Variants in OLFM1 observed in about 807,000 individuals in gnomAD.
The protein encoded by OLFM1 is olfactomedin 1.
In OLFM1, 9 loss-of-function variants were observed where a neutral mutation model predicts 49.7. The ratio of observed to expected loss-of-function variants is 0.18; its 90% CI spans 0.11 to 0.32. The LOEUF (loss-of-function observed/expected upper bound fraction) is 0.32, where lower values mean the gene tolerates loss of function less well. Among genes scored for constraint, OLFM1 ranks in the 10% least tolerant of loss-of-function variants. The pLI is 1.00. For missense variants in OLFM1, 369 were observed against 661.8 expected (o/e 0.56, Z 4.85); for synonymous variants, 240 against 271.8 (o/e 0.88, Z 1.15).
At position 135,096,994 on chromosome 9, in the gene OLFM1, A is replaced by G. The variant is rs116896305; in HGVS notation, c.456+975A>G. Reference sequence around the variant, plus strand: ...CAGTGCGATTCGACTGAAACGTTATATGCCGCCTTAATGAAGGTATACATG... The same window carrying G: ...CAGTGCGATTCGACTGAAACGTTATGTGCCGCCTTAATGAAGGTATACATG... On this transcript the variant is annotated intron_variant, in intron 3 of 5. Transcript: ENST00000371793. 6.5e-4 allele frequency among the ~76,000 whole-genome samples: 99 copies of G among 152,296 alleles called. 1 individual carries two copies. Among genetic ancestry groups the G allele is most frequent in the Non-Finnish European group, 1.2e-3 (79 of 68,022 alleles).
At chr9:135,086,543 C>G, upstream of OLFM1, 1 of 444,122 alleles carries the variant, frequency 2.3e-6, no homozygotes, top group Non-Finnish European at 4.5e-6. Flanking sequence ...TTCGCCCAGG[C>G]AGAGAAGAGT....
intron 1 of OLFM1, among the ~76,000 whole-genome samples, chr9:135,079,569 C>CA (rs1318606246): frequency 6.6e-6 from 1 of 152,088 alleles, no homozygotes; most frequent in Non-Finnish European, 1.5e-5. Flanking sequence ...TGCACCACTG[C>CA]ACTCCAGCCT....
chr9:135,107,761 CT>C (rs1830966122), intron 5 of OLFM1, among the ~76,000 whole-genome samples: 1 of 152,228 alleles, frequency 6.6e-6, no homozygotes. Flanking sequence ...CAACCCAGCT[CT>C]GCCCTGGGCC....
chr9:135,076,190 G>A, intron 1 of OLFM1: 3 of 1,550,460 alleles, frequency 1.9e-6, no homozygotes, highest in Non-Finnish European at 2.6e-6. Flanking sequence ...AGAGGTGGCG[G>A]GACCTTAGTC....
At chr9:135,090,741 C>T (rs905892843) in intron 2 of OLFM1, among the ~76,000 whole-genome samples, 17 of 152,134 alleles carry the variant, frequency 1.1e-4, no homozygotes, top group African/African-American at 4.1e-4. Context: ...AGGGCTGGGG[C>T]TGTCACCCAG....
intron 5 of OLFM1, among the ~76,000 whole-genome samples, chr9:135,111,049 A>G (rs1831015486): frequency 6.6e-6 from 1 of 152,204 alleles, no homozygotes; most frequent in Non-Finnish European, 1.5e-5. Flanking sequence ...GAAGCTGATG[A>G]AAGTAATCGG....
In OLFM1 at chr9:135,115,465, G is replaced by C. The variant is rs577726538; in HGVS notation, c.784-4039G>C. 4.6e-5 allele frequency among the ~76,000 whole-genome samples: 7 copies of C among 152,340 alleles called. No homozygotes were observed. The South Asian group carries it at 8.3e-4, about 18-fold the overall frequency. The stretch of plus-strand genomic sequence containing the variant: ...AAGGATAAGTGGACGGAGGGAAATG[G>C]GCCGTTTACCTGGCAGGTTCATGGC... On this transcript the variant is annotated intron_variant, in intron 5 of 5. Transcript: ENST00000371793.
intron 1 of OLFM1, chr9:135,077,068 G>GGA (rs199830264): frequency 7.1e-7 from 1 of 1,404,828 alleles, no homozygotes; most frequent in South Asian, 1.3e-5. Flanking sequence ...ATGGCCTCTA[G>GGA]GAGAGGTTTT....
At position 135,088,276 on chromosome 9, in the gene OLFM1, C is replaced by A; in HGVS notation, c.150+137C>A. 1.3e-6 allele frequency: 1 copy of A among 799,886 alleles called. No individual in the cohort carries two copies. Among genetic ancestry groups the A allele is most frequent in the Non-Finnish European group, 1.6e-6 (1 of 607,308 alleles). The allele number at this position is 799,886 out of a possible 1,614,324, so 49.5% of individuals were successfully genotyped here. A position where few individuals can be genotyped will look rare whatever the true frequency, so the allele number is the denominator to read the frequency against. On this transcript the variant is annotated intron_variant, in intron 1 of 5. Coordinates refer to ENST00000371793, the MANE Select transcript of OLFM1 (RefSeq NM_001282611.2). This position sits in a 1 kb window ranked among gnomAD's most constrained non-coding sequence, Gnocchi z 4.8. ...GGGAGGCGGCGGGGAGCAGGGCGGG[C>A]AAGGGCAGGCGTCGCGGGCCGGCGC...
At chr9:135,115,394 G>A (rs1831083776) in intron 5 of OLFM1, among the ~76,000 whole-genome samples, 1 of 152,274 alleles carries the variant, frequency 6.6e-6, no homozygotes, top group Non-Finnish European at 1.5e-5. Flanking sequence ...CCTGATGGGT[G>A]ACGCAGGGAC....
chr9:135,108,448 A>C (rs1412827566), intron 5 of OLFM1, among the ~76,000 whole-genome samples: 1 of 152,100 alleles, frequency 6.6e-6, no homozygotes, highest in Non-Finnish European at 1.5e-5. Context: ...ATCCTGGCCA[A>C]CAAGGTGAAA....
rs1412372160 is a variant in OLFM1 at position 135,113,867 on chromosome 9, TGTCACCCA to T, written c.784-5634_784-5627del. On this transcript the variant is annotated intron_variant, in intron 5 of 5. Transcript: ENST00000371793. The surrounding 1 kb of genome is among the most constrained non-coding windows in gnomAD (Gnocchi z 4.0). ...CCTGGGGGGCACCACAGGGGCTCAC[TGTCACCCA>T]GTGCTGGAGGCTGGAAGCCCCAGAC... 6.6e-6 allele frequency among the ~76,000 whole-genome samples: 1 copy of T among 152,212 alleles called. No individual in the cohort carries two copies. The highest frequency in any genetic ancestry group is 2.4e-5 in the African/African-American group (1 of 41,464).
intron 1 of OLFM1, chr9:135,076,011 T>C: frequency 6.9e-7 from 1 of 1,443,768 alleles, no homozygotes; most frequent in Non-Finnish European, 9.1e-7. Context: ...ACGGCGCTCC[T>C]CCAGCCCCGG....
chr9:135,114,495 T>C (rs1225355828), intron 5 of OLFM1, among the ~76,000 whole-genome samples: 1 of 151,952 alleles, frequency 6.6e-6, no homozygotes, highest in Non-Finnish European at 1.5e-5. Flanking sequence ...ACCTATCTTC[T>C]GGGGGCCACT....
At chr9:135,116,911 G>A (rs893467241) in intron 5 of OLFM1, among the ~76,000 whole-genome samples, 1 of 151,284 alleles carries the variant, frequency 6.6e-6, no homozygotes, top group African/African-American at 2.4e-5. Flanking sequence ...AAAACAAAAA[G>A]CACATCTGCT....
intron 5 of OLFM1, among the ~76,000 whole-genome samples, chr9:135,108,501 C>T (rs758493673): frequency 3.3e-5 from 5 of 151,938 alleles, no homozygotes; most frequent in African/African-American, 4.8e-5. Flanking sequence ...GGCGTGGTGG[C>T]GTGCACCTGT....
chr9:135,081,998 G>A (rs1830539252), intron 1 of OLFM1, among the ~76,000 whole-genome samples: 1 of 152,214 alleles, frequency 6.6e-6, no homozygotes, highest in South Asian at 2.1e-4. Context: ...CCTGGAGAAG[G>A]TTTCCTGTCC....
At chr9:135,103,200 C>T (rs903655753) in intron 4 of OLFM1, among the ~76,000 whole-genome samples, 1 of 152,210 alleles carries the variant, frequency 6.6e-6, no homozygotes, top group Non-Finnish European at 1.5e-5. Flanking sequence ...CTGCCTCTCC[C>T]CTCCTCTTCC....
rs1047171262 is a variant in OLFM1, at chr9:135,106,587, G to C, written c.677-162G>C. 203 of 596,332 alleles carry C rather than the reference G, an allele frequency of 3.4e-4. 2 individuals are homozygous for C. In the East Asian group the frequency reaches 5.7e-3, roughly 17 times the overall value. The allele number at this position is 596,332 out of a possible 1,614,324, so 36.9% of individuals were successfully genotyped here. ...TTTTCCGAGAGTGGGGGAGTTGTCT[G>C]TGAAAACAAGGGCGTGAGCAGCTTT... is the stretch of plus-strand genomic sequence containing the variant. On this transcript the variant is annotated intron_variant, in intron 4 of 5. Transcript: ENST00000371793.
Sources: allele counts gnomAD v4.1 joint callset (sites outside exome capture counted in the v4.1 genomes callset), GRCh38; gene constraint gnomAD v4.1.1; non-coding constraint Gnocchi (gnomAD v3.1); transcripts MANE v1.5; gene names NCBI Gene and HGNC (gene_info 2026-07-23, HGNC 2026-07-21).